Variants in MGRN1 observed in about 807,000 individuals in gnomAD.
The protein encoded by MGRN1 is E3 ubiquitin-protein ligase MGRN1.
MGRN1 carries 29 observed loss-of-function variants against 69.2 expected under a neutral mutation model. The ratio of observed to expected loss-of-function variants is 0.42; its 90% CI spans 0.31 to 0.57. The LOEUF is 0.57. Ranked by LOEUF, MGRN1 falls within the 20% of genes least tolerant of loss-of-function variation. The probability of loss-of-function intolerance (pLI) is 0.15; values close to 1 mark genes in which losing one functional copy is unlikely to be tolerated. For missense variants in MGRN1, 998 were observed against 796.2 expected (o/e 1.25, Z -3.05); for synonymous variants, 470 against 344.2 (o/e 1.37, Z -4.04).
At chr16:4,668,133 T>TTTTTTC (rs2078846974) in intron 7 of MGRN1, 132 bp from the exon 8 acceptor site, 2 of 614,654 alleles carry the variant, frequency 3.3e-6, no homozygotes, top group East Asian at 5.9e-5. Flanking sequence ...CCTTTTTTTT[T>TTTTTTC]TTTTTCTTTT....
chr16:4,650,065 GGCTGAGGCGGGCGGATTA>G lies in MGRN1; in HGVS notation c.89-299_89-282del, dbSNP rs201202593. 7.8e-3 allele frequency: 1,771 copies of G among 228,254 alleles called. 19 individuals are homozygous for G. Among genetic ancestry groups the G allele is most frequent in the African/African-American group, 0.038 (1,624 of 42,896 alleles). The allele number at this position is 228,254 out of a possible 1,614,324, so 14.1% of individuals were successfully genotyped here. The stretch of plus-strand genomic sequence containing the variant: ...TACCTGTAATCCCAGAACCTTGGGA[GGCTGAGGCGGGCGGATTA>G]CCTGAGGCCGGGCATTGGAGACCAT... On this transcript the variant is annotated intron_variant, in intron 1 of 16. Transcript: ENST00000262370.
intron 2 of MGRN1, chr16:4,651,134 CT>C: frequency 6.6e-6 from 1 of 152,032 alleles, no homozygotes; most frequent in Admixed American, 6.6e-5. Flanking sequence ...AGAATATTTA[CT>C]TTCCCTAGAA....
intron 13 of MGRN1, among the ~76,000 whole-genome samples, chr16:4,682,216 T>A (rs1323704838): frequency 6.6e-6 from 1 of 152,198 alleles, no homozygotes; most frequent in African/African-American, 2.4e-5. Flanking sequence ...TCACTGCTCT[T>A]GCCGTTCGCC....
chr16:4,683,126 C>T, intron 14 of MGRN1, 98 bp from the exon 15 acceptor site: 6 of 1,540,832 alleles, frequency 3.9e-6, no homozygotes, highest in Non-Finnish European at 5.3e-6. Flanking sequence ...GGTGGAGCGG[C>T]TGTGCGGTCC....
intron 7 of MGRN1, among the ~76,000 whole-genome samples, chr16:4,665,813 C>T (rs2078791017): frequency 6.6e-6 from 1 of 151,776 alleles, no homozygotes; most frequent in Non-Finnish European, 1.5e-5. Flanking sequence ...GGATTACAGG[C>T]CCATGCCACC....
chr16:4,676,440 C>G (rs2079054737), intron 10 of MGRN1, among the ~76,000 whole-genome samples: 1 of 152,188 alleles, frequency 6.6e-6, no homozygotes, highest in Non-Finnish European at 1.5e-5. Flanking sequence ...GAGTCCAATT[C>G]TGGAATCTTC....
chr16:4,626,234 G>A (rs1021993904), intron 1 of MGRN1, among the ~76,000 whole-genome samples: 1 of 152,230 alleles, frequency 6.6e-6, no homozygotes, highest in Non-Finnish European at 1.5e-5. Context: ...CTCAGAGCTA[G>A]GCAGAACGCA....
rs1659479 is a variant in MGRN1, at chr16:4,664,638, T to G, written c.562-71T>G. 19 of 1,511,546 alleles carry G rather than the reference T, an allele frequency of 1.3e-5. No individual in the cohort carries two copies. The African/African-American group carries it at 1.4e-4, about 11-fold the overall frequency. The allele number at this position is 1,511,546 out of a possible 1,614,324, so 93.6% of individuals were successfully genotyped here. Reference sequence around the variant, plus strand: ...CTCCTGCCTGCTTTGTCCAGCTCATTTGTTGACCGACTCCAGGCTTCCAGG... The same window carrying G: ...CTCCTGCCTGCTTTGTCCAGCTCATGTGTTGACCGACTCCAGGCTTCCAGG... On this transcript the variant is annotated intron_variant, in intron 5 of 16. Coordinates refer to ENST00000262370, the MANE Select transcript of MGRN1 (RefSeq NM_015246.4).
intron 1 of MGRN1, 49 bp downstream of exon 1, chr16:4,625,097 G>C (rs747983488): frequency 5.6e-5 from 82 of 1,469,030 alleles, no homozygotes; most frequent in Non-Finnish European, 7.3e-5. Context: ...GCTGGAACGC[G>C]GACCCGGCGG....
intron 1 of MGRN1, among the ~76,000 whole-genome samples, chr16:4,646,703 A>G (rs2078281804): frequency 6.6e-6 from 1 of 152,212 alleles, no homozygotes; most frequent in African/African-American, 2.4e-5. Flanking sequence ...GTGTGGGTGC[A>G]GTCTGCCCAG....
chr16:4,664,373 T>G, intron 5 of MGRN1: 1 of 350,686 alleles, frequency 2.9e-6, no homozygotes, highest in Non-Finnish European at 5.3e-6. Flanking sequence ...ATGGGGAGTG[T>G]GTGGGTGCTG....
intron 1 of MGRN1, among the ~76,000 whole-genome samples, chr16:4,638,097 G>C (rs2078071035): frequency 6.6e-6 from 1 of 152,192 alleles, no homozygotes; most frequent in African/African-American, 2.4e-5. Context: ...CCTGCCGGAG[G>C]CTCCTTTGTG....
intron 10 of MGRN1, 147 bp from the exon 11 acceptor site, chr16:4,677,316 G>GA (rs199899105): frequency 5.4e-3 from 2,249 of 417,364 alleles, no homozygotes; most frequent in South Asian, 0.013. Flanking sequence ...AAAACTAAAA[G>GA]AAAAAAAAAA....
intron 6 of MGRN1, 125 bp from the exon 7 acceptor site, chr16:4,664,977 C>G: frequency 1.6e-6 from 2 of 1,253,968 alleles, no homozygotes; most frequent in South Asian, 1.3e-5. Context: ...AGAACAGGCT[C>G]AGGACTCTAT....
intron 1 of MGRN1, among the ~76,000 whole-genome samples, chr16:4,638,048 T>C (rs1596262620): frequency 6.6e-6 from 1 of 152,232 alleles, no homozygotes; most frequent in Non-Finnish European, 1.5e-5. Flanking sequence ...CGTTTACATA[T>C]GGGAGGTCCG....
At chr16:4,637,579 T>C (rs1228087630) in intron 1 of MGRN1, among the ~76,000 whole-genome samples, 1 of 151,806 alleles carries the variant, frequency 6.6e-6, no homozygotes, top group Non-Finnish European at 1.5e-5. Context: ...AGAAATGGAG[T>C]GTATTGAAGG....
intron 1 of MGRN1, chr16:4,639,790 C>G (rs1030598727): frequency 6.6e-6 from 1 of 152,230 alleles, no homozygotes; most frequent in African/African-American, 2.4e-5. Flanking sequence ...GAACCTCTGA[C>G]CCGGTGGGCC....
At chr16:4,628,228 T>C (rs1229327004) in intron 1 of MGRN1, among the ~76,000 whole-genome samples, 1 of 150,452 alleles carries the variant, frequency 6.6e-6, no homozygotes, top group Non-Finnish European at 1.5e-5. Context: ...CTACTAAAAA[T>C]ACAAAAAATT....
At chr16:4,664,986 A>G (rs2078767528) in intron 6 of MGRN1, 116 bp from the exon 7 acceptor site, 3 of 1,294,762 alleles carry the variant, frequency 2.3e-6, no homozygotes, top group South Asian at 1.2e-5. Context: ...TCAGGACTCT[A>G]TGGACTCTGT....
Sources: allele counts gnomAD v4.1 joint callset (sites outside exome capture counted in the v4.1 genomes callset), GRCh38; gene constraint gnomAD v4.1.1; transcripts MANE v1.5; gene names NCBI Gene and HGNC (gene_info 2026-07-23, HGNC 2026-07-21).